The following CACNA1E variants were observed in gnomAD, a reference collection of about 807,000 sequenced individuals.
The protein encoded by CACNA1E is voltage-dependent R-type calcium channel subunit alpha-1E.
In CACNA1E, 40 loss-of-function variants were observed where a neutral mutation model predicts 259.2. That is an observed-to-expected ratio of 0.15 (90% CI 0.12 to 0.20). The LOEUF is 0.20. Among genes scored for constraint, CACNA1E ranks in the 10% least tolerant of loss-of-function variants. The probability of loss-of-function intolerance (pLI) is 1.00; values close to 1 mark genes in which losing one functional copy is unlikely to be tolerated. For synonymous variants in CACNA1E, 1,104 were observed against 1,138.5 expected (o/e 0.97, Z 0.61); for missense variants, 1,874 against 3,040.1 (o/e 0.62, Z 9.02).
At chr1:181,580,532 G>T in intron 5 of CACNA1E, 63 bp from the exon 6 acceptor site, 2 of 1,514,186 alleles carry the variant, frequency 1.3e-6, no homozygotes, top group Non-Finnish European at 1.8e-6. Flanking sequence ...GCTTCCTGGG[G>T]TCATTTCCAG....
chr1:181,717,916 G>C, intron 11 of CACNA1E, 139 bp from the exon 12 acceptor site: 1 of 601,570 alleles, frequency 1.7e-6, no homozygotes, highest in Non-Finnish European at 3.0e-6. Flanking sequence ...ATTAGGCTCT[G>C]TCCAGCCCTG....
At chr1:181,790,366 G>T in intron 43 of CACNA1E, 79 bp from the exon 44 acceptor site, 1 of 827,190 alleles carries the variant, frequency 1.2e-6, no homozygotes, top group Non-Finnish European at 2.1e-6. Context: ...CAAGGCTAAA[G>T]GGTGTTGCCC....
intron 3 of CACNA1E, among the ~76,000 whole-genome samples, chr1:181,538,851 G>A (rs189379147): frequency 2.0e-3 from 305 of 152,298 alleles, no homozygotes; most frequent in Admixed American, 3.5e-3. Context: ...ATCTGAAAAG[G>A]CTTCTGTTGA....
chr1:181,583,611 C>T (rs956607545), intron 6 of CACNA1E, among the ~76,000 whole-genome samples: 2 of 152,212 alleles, frequency 1.3e-5, no homozygotes, highest in Non-Finnish European at 1.5e-5. Flanking sequence ...GTAGCACAGA[C>T]TCTTCCTAGA....
At chr1:181,368,645 G>A (rs1200179673) in intron 1 of CACNA1E, among the ~76,000 whole-genome samples, 2 of 152,180 alleles carry the variant, frequency 1.3e-5, no homozygotes, top group East Asian at 3.9e-4. Context: ...GGACCAGGGA[G>A]GAGGGGGCAG....
At chr1:181,395,105 G>T (rs117917362) in intron 1 of CACNA1E, among the ~76,000 whole-genome samples, 1 of 152,340 alleles carries the variant, frequency 6.6e-6, no homozygotes, top group East Asian at 1.9e-4. Context: ...AGGGAGACCA[G>T]TTAGAAGGTT....
At chr1:181,397,527 G>A (rs991329561) in intron 1 of CACNA1E, among the ~76,000 whole-genome samples, 9 of 152,104 alleles carry the variant, frequency 5.9e-5, no homozygotes, top group East Asian at 1.9e-4. Context: ...TCTCGAACTG[G>A]CCTCGAGTGA....
At chr1:181,476,894 A>G (rs916064278) in intron 2 of CACNA1E, among the ~76,000 whole-genome samples, 1 of 152,070 alleles carries the variant, frequency 6.6e-6, no homozygotes, top group African/African-American at 2.4e-5. Context: ...GTGGGAAGGG[A>G]GGTAGACAGT....
chr1:181,750,035 T>G (rs552638998), intron 25 of CACNA1E, among the ~76,000 whole-genome samples: 1 of 152,352 alleles, frequency 6.6e-6, no homozygotes, highest in South Asian at 2.1e-4. Flanking sequence ...TGGCCCAGAG[T>G]GGGCATAGTT....
chr1:181,766,488 T>A, intron 34 of CACNA1E, 58 bp from the exon 35 acceptor site: 2 of 1,272,270 alleles, frequency 1.6e-6, no homozygotes, highest in Non-Finnish European at 2.3e-6. Flanking sequence ...GACTGCAGGT[T>A]GTTGAGCTTG....
intron 1 of CACNA1E, among the ~76,000 whole-genome samples, chr1:181,490,561 T>TTG (rs398039077): frequency 2.7e-4 from 41 of 149,734 alleles, no homozygotes; most frequent in African/African-American, 9.7e-4. Context: ...TTTTTTTTTT[T>TTG]GCCTGTGGGT....
At chr1:181,473,186 C>G (rs1662625245) in intron 2 of CACNA1E, among the ~76,000 whole-genome samples, 1 of 152,174 alleles carries the variant, frequency 6.6e-6, no homozygotes, top group Non-Finnish European at 1.5e-5. Flanking sequence ...TTCCCCCTTG[C>G]TCCCTGAACT....
intron 1 of CACNA1E, among the ~76,000 whole-genome samples, chr1:181,366,602 G>T (rs997963552): frequency 1.3e-5 from 2 of 152,140 alleles, no homozygotes; most frequent in Non-Finnish European, 2.9e-5. Flanking sequence ...GCTGTAGGAG[G>T]GGAGAGCATC....
intron 1 of CACNA1E, among the ~76,000 whole-genome samples, chr1:181,398,858 C>T (rs1309540134): frequency 6.6e-6 from 1 of 152,198 alleles, no homozygotes; most frequent in Non-Finnish European, 1.5e-5. Context: ...TCTGTAGCCC[C>T]ATCCCTAAAA....
At chr1:181,672,687 G>A (rs1648931938) in intron 7 of CACNA1E, among the ~76,000 whole-genome samples, 1 of 152,202 alleles carries the variant, frequency 6.6e-6, no homozygotes, top group Non-Finnish European at 1.5e-5. Context: ...CTCAGAAACA[G>A]TAGCAGATAC....
At position 181,637,088 on chromosome 1, in the gene CACNA1E, T is replaced by C. The variant is rs575244107; in HGVS notation, c.952-14250T>C. On this transcript the variant is annotated intron_variant, in intron 6 of 47. Transcript: ENST00000367573. ...CTACAGGGACCACAGTCCACATTCA[T>C]GTTGAGTCAGGTCTCTCTTTTCTGT... is the stretch of plus-strand genomic sequence containing the variant. 2.6e-5 allele frequency among the ~76,000 whole-genome samples: 4 copies of C among 152,232 alleles called. No individual in the cohort carries two copies. The South Asian group carries it at 6.2e-4, about 24-fold the overall frequency.
At position 181,798,729 on chromosome 1, in the gene CACNA1E, C is replaced by A; in HGVS notation, c.6837C>A (p.Pro2279=). 6.2e-7 allele frequency: 1 copy of A among 1,608,186 alleles called. No individual in the cohort carries two copies. The highest frequency in any genetic ancestry group is 1.7e-5 in the Admixed American group (1 of 59,774). ...APPLRHSWQM[P]NGHYRRRRRG... ...CCCTGCGGCATAGCTGGCAGATGCC[C>A]AACGGGCACTATCGGCGGCGGAGGC... The change falls in exon 48 of 48, where the codon CCC becomes CCA. Residue 2279 remains proline, a synonymous_variant. Transcript: ENST00000367573. This position sits in a 1 kb window ranked among gnomAD's most constrained non-coding sequence, Gnocchi z 4.2.
chr1:181,393,248 C>T (rs960887050), intron 1 of CACNA1E, among the ~76,000 whole-genome samples: 9 of 152,164 alleles, frequency 5.9e-5, no homozygotes, highest in African/African-American at 2.2e-4. Context: ...GTTGATAAAC[C>T]TGTGCCTCAG....
intron 6 of CACNA1E, among the ~76,000 whole-genome samples, chr1:181,632,694 T>A (rs2101952155): frequency 6.6e-6 from 1 of 152,268 alleles, no homozygotes; most frequent in East Asian, 1.9e-4. Context: ...GTTCCAGTTA[T>A]GAGTCACATG....
Sources: gnomAD v4.1 joint callset for allele counts (sites outside exome capture counted in the v4.1 genomes callset) on GRCh38, gnomAD v4.1.1 for gene constraint, Gnocchi (gnomAD v3.1) non-coding constraint, MANE v1.5 for transcripts, NCBI Gene and HGNC (gene_info 2026-07-23, HGNC 2026-07-21) for gene names.